The following SUGCT variants were observed in gnomAD, a reference collection of about 807,000 sequenced individuals.
SUGCT encodes the protein succinyl-CoA:glutarate CoA-transferase.
SUGCT carries 41 observed loss-of-function variants against 55.0 expected under a neutral mutation model. The ratio of observed to expected loss-of-function variants is 0.74; its 90% CI spans 0.58 to 0.97. The LOEUF (loss-of-function observed/expected upper bound fraction) is 0.97, where lower values mean the gene tolerates loss of function less well. SUGCT is among the 50% of genes least tolerant of loss of function. The pLI, the probability that SUGCT is intolerant of heterozygous loss-of-function variation, is 0.00. For missense variants in SUGCT, 568 were observed against 547.8 expected (o/e 1.04, Z -0.37); for synonymous variants, 187 against 200.4 (o/e 0.93, Z 0.56).
intron 12 of SUGCT, among the ~76,000 whole-genome samples, chr7:40,705,078 CT>C (rs1785335333): frequency 6.6e-6 from 1 of 151,982 alleles, no homozygotes; most frequent in Admixed American, 6.6e-5. Flanking sequence ...TTTATCAGTT[CT>C]TTTTTAAAAA....
chr7:40,771,389 G>T (rs547402169), intron 13 of SUGCT, among the ~76,000 whole-genome samples: 1 of 152,198 alleles, frequency 6.6e-6, no homozygotes, highest in South Asian at 2.1e-4. Context: ...GAATTATAAA[G>T]TCTATCAAGT....
intron 12 of SUGCT, among the ~76,000 whole-genome samples, chr7:40,641,665 A>T (rs1800275045): frequency 6.6e-6 from 1 of 152,196 alleles, no homozygotes; most frequent in South Asian, 2.1e-4. Flanking sequence ...ACTTTGACAC[A>T]CTTGAGTTAT....
chr7:40,381,558 A>G (rs1395315224), intron 9 of SUGCT, among the ~76,000 whole-genome samples: 18 of 152,194 alleles, frequency 1.2e-4, no homozygotes, highest in Admixed American at 1.1e-3. Flanking sequence ...CGAAAAAACT[A>G]TAAAATTCAG....
At chr7:40,379,625 A>T (rs1469952042) in intron 9 of SUGCT, among the ~76,000 whole-genome samples, 1 of 152,140 alleles carries the variant, frequency 6.6e-6, no homozygotes, top group East Asian at 1.9e-4. Context: ...TTAGCTTGGT[A>T]GTCAGATAAT....
intron 13 of SUGCT, among the ~76,000 whole-genome samples, chr7:40,855,885 C>A (rs767116668): frequency 6.6e-6 from 1 of 152,168 alleles, no homozygotes; most frequent in Non-Finnish European, 1.5e-5. Context: ...TCTTGAGCTT[C>A]TTTTTAAAGA....
At chr7:40,985,341 A>G in the SUGCT span, among the ~76,000 whole-genome samples, 1 of 152,176 alleles carries the variant, frequency 6.6e-6, no homozygotes, top group African/African-American at 2.4e-5. Context: ...TTTCATTACA[A>G]AAAAGACAAG....
Position 40,406,974 on chromosome 7 carries a change from G to A in SUGCT, c.817-42313G>A, listed in dbSNP as rs2151332823. Among the ~76,000 whole-genome samples the A allele has an allele frequency of 3.3e-5, 5 of 152,204 alleles. No individual in the cohort carries two copies. The South Asian group carries it at 1.0e-3, about 32-fold the overall frequency. ...CAGAAAACTGGGAAATATGATGATA[G>A]TCTAGGTTCTTGGTTGAAAACAAGT... On this transcript the variant is annotated intron_variant, in intron 9 of 13. Transcript: ENST00000335693.
chr7:40,172,148 T>C (rs1784707263), intron 1 of SUGCT, among the ~76,000 whole-genome samples: 1 of 152,212 alleles, frequency 6.6e-6, no homozygotes, highest in African/African-American at 2.4e-5. Flanking sequence ...TATGTTGTCA[T>C]AGACCCAGTT....
intron 12 of SUGCT, among the ~76,000 whole-genome samples, chr7:40,665,534 A>G (rs369176780): frequency 2.0e-5 from 3 of 152,120 alleles, no homozygotes; most frequent in East Asian, 1.9e-4. Flanking sequence ...GAGTGAAGCC[A>G]AGTGAAAACA....
the SUGCT span, among the ~76,000 whole-genome samples, chr7:40,992,569 G>T: frequency 6.6e-6 from 1 of 152,096 alleles, no homozygotes; most frequent in Admixed American, 6.5e-5. Flanking sequence ...TCTGACAAAA[G>T]TATCCCTCTT....
chr7:40,146,112 T>G (rs1788231388), intron 1 of SUGCT, among the ~76,000 whole-genome samples: 1 of 152,208 alleles, frequency 6.6e-6, no homozygotes, highest in Non-Finnish European at 1.5e-5. Context: ...TTTTTTTTTT[T>G]TGACTTAGTA....
At position 40,188,358 on chromosome 7, in the gene SUGCT, C is replaced by T. The variant is rs1795027584; in HGVS notation, c.227-137C>T. The T allele has an allele frequency of 2.3e-5, 14 of 597,394 alleles. No individual in the cohort carries two copies. In the South Asian group the frequency reaches 2.8e-4, roughly 12 times the overall value. The allele number at this position is 597,394 out of a possible 1,614,324, so 37.0% of individuals were successfully genotyped here. Reference sequence around the variant, plus strand: ...CTGAGGCAGGAGAATTACCCGAACCCAGGAGGTAGAGGTTGCAGTGAGCAG... The same window carrying T: ...CTGAGGCAGGAGAATTACCCGAACCTAGGAGGTAGAGGTTGCAGTGAGCAG... On this transcript the variant is annotated intron_variant, in intron 3 of 13. Transcript: ENST00000335693.
At chr7:40,350,801 C>A (rs1015724954) in intron 9 of SUGCT, among the ~76,000 whole-genome samples, 1 of 151,866 alleles carries the variant, frequency 6.6e-6, no homozygotes, top group Non-Finnish European at 1.5e-5. Context: ...GCAACCCCCC[C>A]GACAGGCCCC....
In SUGCT at chr7:40,243,633, T is replaced by G. The variant is rs536774501; in HGVS notation, c.576+5907T>G. Among the ~76,000 whole-genome samples the G allele has an allele frequency of 9.9e-5, 15 of 152,036 alleles. No homozygotes were observed. In the South Asian group the frequency reaches 2.9e-3, roughly 30 times the overall value. ...TGTGTGTATGTCTATATATGTGATG[T>G]TGACAACGAAGGCAGTTCTTTGCAA... On this transcript the variant is annotated intron_variant, in intron 7 of 13. Coordinates refer to ENST00000335693, the MANE Select transcript of SUGCT (RefSeq NM_001193313.2).
At chr7:40,333,264 A>C (rs1448666818) in intron 9 of SUGCT, among the ~76,000 whole-genome samples, 1 of 152,186 alleles carries the variant, frequency 6.6e-6, no homozygotes, top group Non-Finnish European at 1.5e-5. Context: ...TGAAAACAGT[A>C]AAGAAAATGT....
At chr7:40,717,324 C>T (rs1203731) in intron 12 of SUGCT, among the ~76,000 whole-genome samples, 70,333 of 152,050 alleles carry the variant, frequency 0.46, 20,361 homozygotes, top group African/African-American at 0.83. Flanking sequence ...AAAAGGAAAA[C>T]GAACCAAAGC....
chr7:40,324,419 C>A (rs911932134), intron 9 of SUGCT, among the ~76,000 whole-genome samples: 1 of 151,440 alleles, frequency 6.6e-6, no homozygotes, highest in African/African-American at 2.4e-5. Context: ...CCATGCCAGG[C>A]TAATTTTTGT....
At chr7:40,927,968 C>T in the SUGCT span, among the ~76,000 whole-genome samples, 1 of 152,038 alleles carries the variant, frequency 6.6e-6, no homozygotes, top group African/African-American at 2.4e-5. Context: ...GATATAATTT[C>T]ATTTTCTTCT....
intron 12 of SUGCT, among the ~76,000 whole-genome samples, chr7:40,736,740 A>G (rs1787183566): frequency 6.6e-6 from 1 of 152,100 alleles, no homozygotes; most frequent in Admixed American, 6.6e-5. Context: ...AACCAATACA[A>G]ATCTTTTAGA....
Sources: gnomAD v4.1 joint callset for allele counts (sites outside exome capture counted in the v4.1 genomes callset) on GRCh38, gnomAD v4.1.1 for gene constraint, MANE v1.5 for transcripts, NCBI Gene and HGNC (gene_info 2026-07-23, HGNC 2026-07-21) for gene names.